Variants in NHEJ1 observed in about 807,000 individuals in gnomAD.
NHEJ1 encodes the protein non-homologous end-joining factor 1.
In NHEJ1, 22 loss-of-function variants were observed where a neutral mutation model predicts 39.4. The observed-to-expected ratio is 0.56, with a 90% confidence interval of 0.40 to 0.80. The LOEUF (loss-of-function observed/expected upper bound fraction) is 0.80. NHEJ1 is among the 30% of genes least tolerant of loss of function. The pLI, the probability that NHEJ1 is intolerant of heterozygous loss-of-function variation, is 0.00. For missense variants in NHEJ1, 329 were observed against 357.1 expected (o/e 0.92, Z 0.63); for synonymous variants, 154 against 135.6 (o/e 1.14, Z -0.94).
chr2:219,147,581 G>A, intron 4 of NHEJ1, 76 bp downstream of exon 4: 2 of 1,583,928 alleles, frequency 1.3e-6, no homozygotes, highest in Admixed American at 1.7e-5. Context: ...TAATGCAAAT[G>A]AGTCTCCCTC....
At chr2:219,109,024 A>C (rs1345600098) in intron 5 of NHEJ1, among the ~76,000 whole-genome samples, 2 of 152,238 alleles carry the variant, frequency 1.3e-5, no homozygotes, top group Admixed American at 6.5e-5. Context: ...TTGGGACTAG[A>C]GATGAAAGAA....
intron 3 of NHEJ1, among the ~76,000 whole-genome samples, chr2:219,156,465 C>A (rs1574748744): frequency 6.6e-6 from 1 of 152,222 alleles, no homozygotes; most frequent in Non-Finnish European, 1.5e-5. Flanking sequence ...GTGCTACTGA[C>A]TAAAACTGTG....
intron 5 of NHEJ1, among the ~76,000 whole-genome samples, chr2:219,131,997 T>C (rs921212970): frequency 6.6e-6 from 1 of 152,184 alleles, no homozygotes; most frequent in African/African-American, 2.4e-5. Context: ...AATTCCACAA[T>C]TGTTTGTCTA....
chr2:219,127,828 G>A (rs1283787273), intron 5 of NHEJ1, among the ~76,000 whole-genome samples: 1 of 152,152 alleles, frequency 6.6e-6, no homozygotes, highest in African/African-American at 2.4e-5. Flanking sequence ...ATCCCATACA[G>A]GAAAATCATC....
chr2:219,092,924 G>A (rs1382918163), intron 5 of NHEJ1, among the ~76,000 whole-genome samples: 5 of 152,200 alleles, frequency 3.3e-5, no homozygotes, highest in Non-Finnish European at 7.3e-5. Context: ...TAGGTACCAA[G>A]AGACCTCCCT....
chr2:219,084,455 C>T (rs943588274), intron 5 of NHEJ1, among the ~76,000 whole-genome samples: 2 of 152,198 alleles, frequency 1.3e-5, no homozygotes, highest in Admixed American at 1.3e-4. Context: ...CAGGGAGACA[C>T]AGAAATCTAC....
At chr2:219,155,944 A>C (rs1949850433) in intron 3 of NHEJ1, among the ~76,000 whole-genome samples, 1 of 148,112 alleles carries the variant, frequency 6.8e-6, no homozygotes, top group Admixed American at 6.8e-5. Context: ...AAAAAAAATA[A>C]AATTAAAATA....
chr2:219,156,728 T>C (rs1398930469), intron 3 of NHEJ1, among the ~76,000 whole-genome samples: 1 of 152,152 alleles, frequency 6.6e-6, no homozygotes, highest in African/African-American at 2.4e-5. Flanking sequence ...TGAAGGAGAG[T>C]TGTGAGGATT....
chr2:219,082,156 A>C (rs997300161), intron 5 of NHEJ1, among the ~76,000 whole-genome samples: 2 of 152,208 alleles, frequency 1.3e-5, no homozygotes, highest in African/African-American at 4.8e-5. Flanking sequence ...CTTCCTCATT[A>C]CTTACTCATA....
intron 5 of NHEJ1, among the ~76,000 whole-genome samples, chr2:219,145,114 C>T (rs1323970973): frequency 6.6e-6 from 1 of 152,084 alleles, no homozygotes; most frequent in Non-Finnish European, 1.5e-5. Context: ...ACTTGGAAGG[C>T]TGAGGCAGGA....
intron 5 of NHEJ1, among the ~76,000 whole-genome samples, chr2:219,080,678 C>A: frequency 1.2e-5 from 1 of 85,762 alleles, no homozygotes; most frequent in African/African-American, 3.5e-5. Flanking sequence ...TTTATATATG[C>A]TAATATATAT....
intron 5 of NHEJ1, among the ~76,000 whole-genome samples, chr2:219,121,580 C>G (rs1273035000): frequency 6.6e-6 from 1 of 152,106 alleles, no homozygotes; most frequent in Non-Finnish European, 1.5e-5. Flanking sequence ...GTGGCTCATA[C>G]CTATAATCCT....
intron 5 of NHEJ1, among the ~76,000 whole-genome samples, chr2:219,106,323 T>A (rs1009626291): frequency 6.6e-6 from 1 of 151,888 alleles, no homozygotes; most frequent in Non-Finnish European, 1.5e-5. Context: ...GAGGAAAGGA[T>A]AAAAAAGGAG....
chr2:219,138,684 T>A (rs1949661472), intron 5 of NHEJ1, among the ~76,000 whole-genome samples: 1 of 152,082 alleles, frequency 6.6e-6, no homozygotes, highest in Non-Finnish European at 1.5e-5. Context: ...ATAAGTAAAT[T>A]TTATGGCAAT....
At chr2:219,104,192 G>A (rs1246969506) in intron 5 of NHEJ1, among the ~76,000 whole-genome samples, 1 of 152,176 alleles carries the variant, frequency 6.6e-6, no homozygotes, top group East Asian at 1.9e-4. Flanking sequence ...GAACTCACTG[G>A]AGCTGTGCCA....
intron 3 of NHEJ1, among the ~76,000 whole-genome samples, chr2:219,150,460 G>A (rs370126845): frequency 1.3e-5 from 2 of 152,110 alleles, no homozygotes; most frequent in African/African-American, 2.4e-5. Context: ...TGTGGCAGAA[G>A]TTCAGCTTTG....
rs150272598 is a variant in NHEJ1, at chr2:219,077,266, C to A, written c.805G>T (p.Ala269Ser). ...CTCACCGTGGACTCTTTCTCAGGTG[C>A]TGAGAGGGTTGGGGCTGAGGAGACC... Reference protein sequence around the residue: ...QLVSSAPTLSAPEKESTGTSG... With the variant: ...QLVSSAPTLSSPEKESTGTSG... The change falls in exon 7 of 8, where the codon GCA (alanine) becomes TCA (serine). Residue 269 changes from alanine (A) to serine (S), a missense_variant. Ala to Ser is a moderately conservative substitution (Grantham distance 99, BLOSUM62 1). Transcript: ENST00000356853. The A allele has an allele frequency of 7.3e-5, 117 of 1,613,754 alleles. No homozygotes were observed. Among genetic ancestry groups the A allele is most frequent in the Non-Finnish European group, 9.1e-5 (107 of 1,179,826 alleles).
At chr2:219,093,317 T>A (rs952415240) in intron 5 of NHEJ1, among the ~76,000 whole-genome samples, 2 of 152,128 alleles carry the variant, frequency 1.3e-5, no homozygotes, top group Admixed American at 1.3e-4. Flanking sequence ...CGGAGCAGGA[T>A]GAACAATCAG....
At position 219,158,354 on chromosome 2, in the gene NHEJ1, T is replaced by C. The variant is rs1392400000; in HGVS notation, c.9A>G (p.Glu3=). 2 of 1,614,146 alleles carry C rather than the reference T, an allele frequency of 1.2e-6. No individual in the cohort carries two copies. Among genetic ancestry groups the C allele is most frequent in the South Asian group, 2.2e-5 (2 of 91,086 alleles). ...GCTGCATCAACAGGCCTTGCTCCAG[T>C]TCTTCCATCTGCAAAAAAGTCCTCA... ME[E]LEQGLLMQPW... is the part of the protein sequence containing the mutation. The change falls in exon 2 of 8, where the codon GAA becomes GAG. Residue 3 remains glutamate, a synonymous_variant. Coordinates refer to ENST00000356853, the MANE Select transcript of NHEJ1 (RefSeq NM_024782.3).
Sources: allele counts gnomAD v4.1 joint callset (sites outside exome capture counted in the v4.1 genomes callset), GRCh38; gene constraint gnomAD v4.1.1; transcripts MANE v1.5; gene names NCBI Gene and HGNC (gene_info 2026-07-23, HGNC 2026-07-21).